Variants in CD109 observed in about 807,000 individuals in gnomAD.
The protein encoded by CD109 is CD109 antigen.
In CD109, 149 loss-of-function variants were observed where a neutral mutation model predicts 165.8. The observed-to-expected ratio is 0.90, with a 90% CI of 0.79 to 1.03. The LOEUF is 1.03. Among genes scored for constraint, CD109 ranks in the 50% least tolerant of loss-of-function variants. The probability of loss-of-function intolerance (pLI) is 0.00; values close to 1 mark genes in which losing one functional copy is unlikely to be tolerated. For synonymous variants in CD109, 585 were observed against 592.1 expected, an observed-to-expected ratio of 0.99 and a Z score of 0.18; for missense variants, 1,712 against 1,677.8, an observed-to-expected ratio of 1.02 and a Z score of -0.36.
chr6:73,743,518 CCTTA>C (rs1279909620), intron 5 of CD109, among the ~76,000 whole-genome samples: 1 of 152,172 alleles, frequency 6.6e-6, no homozygotes, highest in African/African-American at 2.4e-5. Context: ...GTTGCCAACA[CCTTA>C]CTGCTTTTTA....
At chr6:73,733,677 T>C (rs1325616397) in intron 4 of CD109, among the ~76,000 whole-genome samples, 1 of 152,142 alleles carries the variant, frequency 6.6e-6, no homozygotes, top group Non-Finnish European at 1.5e-5. Context: ...ACAGGTGTTA[T>C]TGGCTTGGGG....
intron 4 of CD109, among the ~76,000 whole-genome samples, chr6:73,734,098 C>T (rs1402873220): frequency 6.6e-6 from 1 of 152,226 alleles, no homozygotes; most frequent in East Asian, 1.9e-4. Flanking sequence ...GTGACATCAC[C>T]ATGCTTGGCT....
At position 73,818,510 on chromosome 6, in the gene CD109, G is replaced by GAAAA. The variant is rs1562089003; in HGVS notation, c.4035_4038dup (p.Leu1347LysfsTer11). On this transcript the variant is annotated frameshift_variant, in exon 31 of 33. Transcript: ENST00000287097. LOFTEE classifies it high-confidence loss of function. ...GTGAAGAAAGTGGAATATGATCATG[G>GAAAA]AAAACTCAACCTCTATTTAGATTCT... 1 of 1,613,000 alleles carries GAAAA rather than the reference G, an allele frequency of 6.2e-7. No homozygotes were observed. The highest frequency in any genetic ancestry group is 1.7e-5 in the Admixed American group (1 of 59,706).
chr6:73,782,383 C>A lies in CD109; in HGVS notation c.1964-231C>A, dbSNP rs117068595. On this transcript the variant is annotated intron_variant, in intron 17 of 32. Coordinates refer to ENST00000287097, the MANE Select transcript of CD109 (RefSeq NM_133493.5). ...GTTCTTTTTTACATATTGAATCCTT[C>A]TTGATGCCCACTGTAATACCCATTC... Among the ~76,000 whole-genome samples, 202 of 152,266 alleles carry A rather than the reference C, an allele frequency of 1.3e-3. 2 individuals carry two copies. The East Asian group carries it at 0.035, about 26-fold the overall frequency.
chr6:73,773,616 CTTG>C (rs753211950), intron 15 of CD109, among the ~76,000 whole-genome samples: 15 of 151,902 alleles, frequency 9.9e-5, no homozygotes, highest in Non-Finnish European at 1.9e-4. Context: ...TTAATTTATC[CTTG>C]TTGGTTTCTA....
intron 3 of CD109, among the ~76,000 whole-genome samples, chr6:73,728,182 A>C (rs1162343704): frequency 6.6e-6 from 1 of 152,142 alleles, no homozygotes; most frequent in African/African-American, 2.4e-5. Flanking sequence ...TTAGCTAGGC[A>C]TGGTGGCGCA....
At chr6:73,790,388 G>A (rs565348992) in intron 22 of CD109, among the ~76,000 whole-genome samples, 4 of 152,230 alleles carry the variant, frequency 2.6e-5, no homozygotes, top group South Asian at 2.1e-4. Flanking sequence ...GAGCCATTGC[G>A]CCCAGCCTAA....
intron 6 of CD109, among the ~76,000 whole-genome samples, chr6:73,757,192 A>T (rs928945236): frequency 3.3e-5 from 5 of 152,194 alleles, no homozygotes; most frequent in African/African-American, 9.7e-5. Flanking sequence ...TCTTAGTATT[A>T]GTTATAATTT....
chr6:73,730,466 T>G lies in CD109; in HGVS notation c.399T>G (p.Ile133Met). The G allele has an allele frequency of 6.2e-7, 1 of 1,613,526 alleles. No homozygotes were observed. ...SFETKRISVF[I>M]QTDKALYKPK... ...AGACCAAGAGAATATCTGTCTTCAT[T>G]CAAACAGACAAGGCCTTATACAAGC... Residue 133 changes from isoleucine to methionine, a missense_variant, in exon 4 of 33, where the codon ATT (isoleucine) becomes ATG (methionine). Transcript: ENST00000287097.
At chr6:73,818,304 G>A in intron 30 of CD109, 84 bp from the exon 31 acceptor site, 1 of 1,430,488 alleles carries the variant, frequency 7.0e-7, no homozygotes, top group Non-Finnish European at 9.8e-7. Context: ...CATTTGGTGG[G>A]TTTGATTTTT....
At chr6:73,812,312 T>A in intron 29 of CD109, 42 bp downstream of exon 29, 1 of 1,252,650 alleles carries the variant, frequency 8.0e-7, no homozygotes, top group South Asian at 1.3e-5. Context: ...ATATGACTTT[T>A]TATAATAATT....
rs1582199679 is a variant in CD109 at position 73,811,244 on chromosome 6, G to T, written c.3702+97G>T. The T allele has an allele frequency of 2.9e-6, 4 of 1,367,618 alleles. No individual in the cohort carries two copies. The South Asian group carries it at 5.9e-5, about 20-fold the overall frequency. 84.7% of individuals were successfully genotyped at this position (1,367,618 alleles called of 1,614,324 possible). On this transcript the variant is annotated intron_variant, in intron 28 of 32. Coordinates refer to ENST00000287097, the MANE Select transcript of CD109 (RefSeq NM_133493.5). Reference sequence around the variant, plus strand: ...AATCTGTTGATTTCAACAAAGACTTGTTTCCAGAGCTCTGTAGAGTAATAG... The same window carrying T: ...AATCTGTTGATTTCAACAAAGACTTTTTTCCAGAGCTCTGTAGAGTAATAG...
In CD109 at chr6:73,808,203, G is replaced by T. The variant is rs568260702; in HGVS notation, c.3310G>T (p.Ala1104Ser). The change falls in exon 26 of 33, where the codon GCG becomes TCG. Residue 1104 changes from alanine (A) to serine (S), a missense_variant. Transcript: ENST00000287097. ...YALSSVGSPKAKEALNMLTWR... is the reference protein window; with the variant it reads ...YALSSVGSPKSKEALNMLTWR... ...ATTGTCATCAGTGGGGAGTCCTAAA[G>T]CGAAGGAAGCTTTGAATATGCTGAC... 78 of 1,613,540 alleles carry T rather than the reference G, an allele frequency of 4.8e-5. No homozygotes were observed. The South Asian group carries it at 8.2e-4, about 17-fold the overall frequency.
chr6:73,744,078 C>G (rs780193981), intron 5 of CD109, among the ~76,000 whole-genome samples: 1 of 152,168 alleles, frequency 6.6e-6, no homozygotes, highest in Non-Finnish European at 1.5e-5. Context: ...ACCATTTTAA[C>G]AATTTAAAAG....
chr6:73,712,095 A>G (rs898896836), intron 2 of CD109, among the ~76,000 whole-genome samples: 15 of 152,216 alleles, frequency 9.9e-5, no homozygotes, highest in Non-Finnish European at 2.2e-4. Flanking sequence ...CTCTAATCCC[A>G]GCTACTGGGG....
At chr6:73,785,271 G>A in intron 19 of CD109, 93 bp from the exon 20 acceptor site, 1 of 695,138 alleles carries the variant, frequency 1.4e-6, no homozygotes, top group Non-Finnish European at 2.5e-6. Context: ...GAAGTTAAAA[G>A]CTTCACAGGT....
At chr6:73,696,047 A>C (rs1369460079), upstream of CD109, 5 of 630,674 alleles carry the variant, frequency 7.9e-6, no homozygotes, top group African/African-American at 9.6e-5. Flanking sequence ...GGAGCCTCCA[A>C]GTCCTGTCTC....
At position 73,817,894 on chromosome 6, in the gene CD109, C is replaced by T. The variant is rs145699342; in HGVS notation, c.3912-494C>T. On this transcript the variant is annotated intron_variant, in intron 30 of 32. Coordinates refer to ENST00000287097, the MANE Select transcript of CD109 (RefSeq NM_133493.5). ...AAAGGGATGGCTTCTCCCTACTGGT[C>T]TGATGTTTCTAAAATCAGACGAATA... 2.4e-3 allele frequency among the ~76,000 whole-genome samples: 361 copies of T among 152,262 alleles called. 2 individuals are homozygous for T. Among genetic ancestry groups the T allele is most frequent in the African/African-American group, 8.1e-3 (335 of 41,536 alleles).
chr6:73,737,758 G>A (rs1772602701), intron 5 of CD109, among the ~76,000 whole-genome samples: 1 of 152,216 alleles, frequency 6.6e-6, no homozygotes, highest in East Asian at 1.9e-4. Context: ...AAAAATTTGT[G>A]TGGGAGTAGG....
Sources: allele counts gnomAD v4.1 joint callset (sites outside exome capture counted in the v4.1 genomes callset), GRCh38; gene constraint gnomAD v4.1.1; transcripts MANE v1.5; gene names NCBI Gene and HGNC (gene_info 2026-07-23, HGNC 2026-07-21).